TMEM131: variants seen among roughly 807,000 people sequenced by gnomAD.
TMEM131 encodes 2610524E03Rik.
Under a neutral mutation model 211.6 loss-of-function variants are expected in TMEM131, and 66 were observed. The ratio of observed to expected loss-of-function variants is 0.31; its 90% CI spans 0.26 to 0.38. The LOEUF (loss-of-function observed/expected upper bound fraction) is 0.38. Among genes scored for constraint, TMEM131 ranks in the 10% least tolerant of loss-of-function variants. The probability of loss-of-function intolerance (pLI) is 1.00; values close to 1 mark genes in which losing one functional copy is unlikely to be tolerated. For synonymous variants in TMEM131, 844 were observed against 841.3 expected, an observed-to-expected ratio of 1.00 and a Z score of -0.06; for missense variants, 2,036 against 2,299.3, an observed-to-expected ratio of 0.89 and a Z score of 2.34.
intron 38 of TMEM131, chr2:97,760,296 T>C (rs1460698362): frequency 1.6e-5 from 7 of 440,790 alleles, no homozygotes; most frequent in East Asian, 4.5e-5. Flanking sequence ...TCAGATCACA[T>C]CTTACCACAG....
In TMEM131 at chr2:97,842,555, C is replaced by T. The variant is rs560255211; in HGVS notation, c.601-618G>A. Among the ~76,000 whole-genome samples, 5 of 151,758 alleles carry T rather than the reference C, an allele frequency of 3.3e-5. No individual in the cohort carries two copies. The East Asian group carries it at 7.7e-4, about 23-fold the overall frequency. ...CCTCTGCCAGAGAGTGAGTAACAGACAGTGTTGGGGGAGAGTGGAGGGCAT... is the reference window on the plus strand; with the variant it reads ...CCTCTGCCAGAGAGTGAGTAACAGATAGTGTTGGGGGAGAGTGGAGGGCAT... On this transcript the variant is annotated intron_variant, in intron 6 of 40. Transcript: ENST00000186436.
intron 28 of TMEM131, among the ~76,000 whole-genome samples, chr2:97,795,515 C>T (rs571246686): frequency 1.3e-4 from 20 of 152,172 alleles, no homozygotes; most frequent in African/African-American, 4.6e-4. Context: ...TCATCTCCTG[C>T]AGTATGGATT....
At chr2:97,936,681 C>T (rs1368197437) in intron 1 of TMEM131, among the ~76,000 whole-genome samples, 1 of 152,098 alleles carries the variant, frequency 6.6e-6, no homozygotes, top group Non-Finnish European at 1.5e-5. Flanking sequence ...ACAAAAACAA[C>T]AACAAACCTT....
chr2:97,788,687 C>T (rs1680362794), intron 31 of TMEM131, among the ~76,000 whole-genome samples: 2 of 152,140 alleles, frequency 1.3e-5, no homozygotes, highest in East Asian at 3.9e-4. Context: ...ATCACACAGA[C>T]TGGGTCTTGC....
chr2:97,835,770 C>A (rs943563017), intron 8 of TMEM131, among the ~76,000 whole-genome samples: 9 of 152,172 alleles, frequency 5.9e-5, no homozygotes, highest in African/African-American at 2.2e-4. Context: ...TTGACTTGGT[C>A]TCTGGGGTTT....
At chr2:97,950,756 G>C (rs1678275164) in intron 1 of TMEM131, among the ~76,000 whole-genome samples, 1 of 152,012 alleles carries the variant, frequency 6.6e-6, no homozygotes. Context: ...CTGCATTCTG[G>C]TTTATCAGCT....
chr2:97,901,589 A>G (rs528511169), intron 3 of TMEM131, among the ~76,000 whole-genome samples: 1 of 152,176 alleles, frequency 6.6e-6, no homozygotes, highest in Non-Finnish European at 1.5e-5. Flanking sequence ...ACACAATGGA[A>G]TATTATTCAG....
chr2:97,944,865 A>G (rs1395695225), intron 1 of TMEM131, among the ~76,000 whole-genome samples: 2 of 152,240 alleles, frequency 1.3e-5, no homozygotes, highest in African/African-American at 4.8e-5. Flanking sequence ...TGGTGGTAAC[A>G]TAAAATGGAG....
chr2:97,815,129 T>C, intron 13 of TMEM131, 70 bp downstream of exon 13: 1 of 833,776 alleles, frequency 1.2e-6, no homozygotes, highest in South Asian at 2.5e-5. Context: ...TTTCTGCAGG[T>C]CATTTAGCAG....
chr2:97,803,441 C>T (rs1225335644), intron 22 of TMEM131, among the ~76,000 whole-genome samples: 1 of 152,178 alleles, frequency 6.6e-6, no homozygotes, highest in Non-Finnish European at 1.5e-5. Context: ...TGAATATCTC[C>T]CTACTTATAA....
At chr2:97,905,872 T>C (rs1676044964) in intron 3 of TMEM131, among the ~76,000 whole-genome samples, 1 of 152,156 alleles carries the variant, frequency 6.6e-6, no homozygotes, top group African/African-American at 2.4e-5. Flanking sequence ...GCACAAAGCC[T>C]GTAGAAAATG....
chr2:97,973,623 A>C (rs1208526403), intron 1 of TMEM131, among the ~76,000 whole-genome samples: 3 of 152,232 alleles, frequency 2.0e-5, no homozygotes, highest in Admixed American at 2.0e-4. Flanking sequence ...TGATCAGTGC[A>C]TTTGTGTGAG....
At chr2:97,955,759 A>G (rs1341823498) in intron 1 of TMEM131, among the ~76,000 whole-genome samples, 2 of 152,210 alleles carry the variant, frequency 1.3e-5, no homozygotes, top group East Asian at 3.8e-4. Flanking sequence ...TCACTCTGGA[A>G]AGTGAAATAC....
rs538254823 is a variant in TMEM131, at chr2:97,766,148, C to T, written c.4689G>A (p.Glu1563=). The change falls in exon 35 of 41, where the codon GAG becomes GAA. Residue 1563 remains glutamate, a synonymous_variant. Transcript: ENST00000186436. Reference sequence around the variant, plus strand: ...GTTTGTGAACTGGAACGGAATCCCACTCCGGTGGAGGAGAGTCTTTTTCAC... The same window carrying T: ...GTTTGTGAACTGGAACGGAATCCCATTCCGGTGGAGGAGAGTCTTTTTCAC... ...SEGEKDSPPP[E]WDSVPVHKPG... is the part of the protein sequence containing the mutation. 12 of 1,614,056 alleles carry T rather than the reference C, an allele frequency of 7.4e-6. No homozygotes were observed. Among genetic ancestry groups the T allele is most frequent in the Non-Finnish European group, 1.0e-5 (12 of 1,179,894 alleles).
At position 97,901,595 on chromosome 2, in the gene TMEM131, T is replaced by A. The variant is rs142608292; in HGVS notation, c.290+7063A>T. On this transcript the variant is annotated intron_variant, in intron 3 of 40. Transcript: ENST00000186436. ...ATATATTAAACACAATGGAATATTA[T>A]TCAGCCATAAAAAACAATAAAATCC... 3.2e-3 allele frequency among the ~76,000 whole-genome samples: 488 copies of A among 152,284 alleles called. 7 individuals carry two copies. The East Asian group carries it at 0.04, about 13-fold the overall frequency.
At chr2:97,822,996 T>C (rs922584721) in intron 11 of TMEM131, among the ~76,000 whole-genome samples, 3 of 152,076 alleles carry the variant, frequency 2.0e-5, no homozygotes, top group Non-Finnish European at 4.4e-5. Context: ...TAAATTATAA[T>C]ACTATCCTGC....
At position 97,896,343 on chromosome 2, in the gene TMEM131, T is replaced by C. The variant is rs560407615; in HGVS notation, c.291-8223A>G. On this transcript the variant is annotated intron_variant, in intron 3 of 40. Transcript: ENST00000186436. ...TGAGAAGAATGTATATTCTGTTGAT[T>C]AGGGGTGGAGAGTTCTGCAGATGTC... Among the ~76,000 whole-genome samples, 135 of 152,286 alleles carry C rather than the reference T, an allele frequency of 8.9e-4. 2 individuals are homozygous for C. The highest frequency in any genetic ancestry group is 3.4e-3 in the Middle Eastern group (1 of 294).
At chr2:97,787,146 T>G (rs1466455629) in intron 31 of TMEM131, among the ~76,000 whole-genome samples, 1 of 152,248 alleles carries the variant, frequency 6.6e-6, no homozygotes, top group African/African-American at 2.4e-5. Context: ...CTGTTTTAAA[T>G]GTAGGCAAAG....
At chr2:97,892,235 T>C (rs1315350228) in intron 3 of TMEM131, among the ~76,000 whole-genome samples, 2 of 152,242 alleles carry the variant, frequency 1.3e-5, no homozygotes, top group East Asian at 3.8e-4. Flanking sequence ...TATTATTCAG[T>C]TGTAAGAGTT....
Sources: gnomAD v4.1 joint callset for allele counts (sites outside exome capture counted in the v4.1 genomes callset) on GRCh38, gnomAD v4.1.1 for gene constraint, MANE v1.5 for transcripts, NCBI Gene and HGNC (gene_info 2026-07-23, HGNC 2026-07-21) for gene names.